Variants in BMPR1B observed in about 807,000 individuals in gnomAD.
BMPR1B encodes the protein bone morphogenetic protein receptor type-1B.
Under a neutral mutation model 59.1 loss-of-function variants are expected in BMPR1B, and 12 were observed. The observed-to-expected ratio is 0.20, with a 90% CI of 0.13 to 0.33. BMPR1B has a LOEUF of 0.33. BMPR1B is among the 10% of genes least tolerant of loss of function. BMPR1B has a pLI of 1.00. For missense variants in BMPR1B, 550 were observed against 610.9 expected (o/e 0.90, Z 1.05); for synonymous variants, 237 against 207.3 (o/e 1.14, Z -1.23).
chr4:95,147,828 T>C (rs1176937397), intron 10 of BMPR1B, among the ~76,000 whole-genome samples: 1 of 152,172 alleles, frequency 6.6e-6, no homozygotes, highest in Admixed American at 6.5e-5. Flanking sequence ...TCTCATTTAA[T>C]CATCAGCCTA....
At chr4:94,852,960 T>G (rs1214886411) in intron 1 of BMPR1B, among the ~76,000 whole-genome samples, 2 of 152,122 alleles carry the variant, frequency 1.3e-5, no homozygotes, top group Admixed American at 1.3e-4. Context: ...GGTTTAAAAT[T>G]GAAAGTCTTT....
chr4:94,866,114 T>A (rs1486284022), intron 1 of BMPR1B, among the ~76,000 whole-genome samples: 1 of 152,230 alleles, frequency 6.6e-6, no homozygotes, highest in African/African-American at 2.4e-5. Flanking sequence ...AGGTGCTGAT[T>A]GTTGCTGAGT....
chr4:95,012,493 A>G (rs995535499), intron 3 of BMPR1B, among the ~76,000 whole-genome samples: 1 of 152,194 alleles, frequency 6.6e-6, no homozygotes, highest in Non-Finnish European at 1.5e-5. Flanking sequence ...TTAAAGAGAA[A>G]TTGATTCTTG....
intron 3 of BMPR1B, among the ~76,000 whole-genome samples, chr4:95,060,190 T>A (rs546139021): frequency 6.6e-6 from 1 of 152,266 alleles, no homozygotes; most frequent in South Asian, 2.1e-4. Context: ...ATTTGGGAGT[T>A]GAGCTGAGAA....
intron 2 of BMPR1B, among the ~76,000 whole-genome samples, chr4:94,892,566 C>T (rs1177423631): frequency 1.3e-5 from 2 of 151,952 alleles, no homozygotes; most frequent in Admixed American, 1.3e-4. Flanking sequence ...AATATTTAGT[C>T]ATGTTTAATC....
chr4:95,049,291 T>A lies in BMPR1B; in HGVS notation c.-18+53157T>A, dbSNP rs1394128681. On this transcript the variant is annotated intron_variant, in intron 3 of 12. Coordinates refer to ENST00000515059, the MANE Select transcript of BMPR1B (RefSeq NM_001203.3). ...ACCATACCCAGCTAATTAAAAAAAA[T>A]TATTTTAGAGACAGGGTCTTGCTAT... 3.3e-5 allele frequency among the ~76,000 whole-genome samples: 5 copies of A among 152,024 alleles called. No homozygotes were observed. In the East Asian group the frequency reaches 7.8e-4, roughly 24 times the overall value.
At chr4:95,082,415 G>C (rs1729230326) in intron 3 of BMPR1B, among the ~76,000 whole-genome samples, 1 of 151,836 alleles carries the variant, frequency 6.6e-6, no homozygotes, top group African/African-American at 2.4e-5. Flanking sequence ...TTTGCGCTCA[G>C]GCAAATAACC....
At chr4:95,105,385 G>A (rs1009807522) in intron 4 of BMPR1B, among the ~76,000 whole-genome samples, 16 of 152,006 alleles carry the variant, frequency 1.1e-4, no homozygotes, top group African/African-American at 3.4e-4. Context: ...AAATAGAAAG[G>A]TGGACTGCTA....
intron 10 of BMPR1B, among the ~76,000 whole-genome samples, chr4:95,145,061 A>G (rs907252855): frequency 6.6e-6 from 1 of 152,224 alleles, no homozygotes; most frequent in African/African-American, 2.4e-5. Context: ...ACAAAAGTAT[A>G]AAAATGAGAC....
At chr4:95,072,782 AAC>A (rs1728409291) in intron 3 of BMPR1B, among the ~76,000 whole-genome samples, 1 of 152,202 alleles carries the variant, frequency 6.6e-6, no homozygotes, top group South Asian at 2.1e-4. Context: ...TAAAGTAATA[AAC>A]ACAGTGAAGA....
rs199574448 is a variant in BMPR1B at position 94,962,072 on chromosome 4, T to TTTCCTTCCTTCCTTCCTTCC, written c.-112-33936_-112-33917dup. ...TTCTTTCTTTCTTTTCTTTCTTTTC[T>TTTCCTTCCTTCCTTCCTTCC]TTCCTTCCTTCCTTCCTTCCTTCCT... On this transcript the variant is annotated intron_variant, in intron 2 of 12. Coordinates refer to ENST00000515059, the MANE Select transcript of BMPR1B (RefSeq NM_001203.3). 3.7e-3 allele frequency among the ~76,000 whole-genome samples: 437 copies of TTTCCTTCCTTCCTTCCTTCC among 117,968 alleles called. 3 individuals are homozygous for TTTCCTTCCTTCCTTCCTTCC. Among genetic ancestry groups the TTTCCTTCCTTCCTTCCTTCC allele is most frequent in the African/African-American group, 0.012 (326 of 28,308 alleles). 77.4% of individuals were successfully genotyped at this position (117,968 alleles called of 152,430 possible).
intron 2 of BMPR1B, among the ~76,000 whole-genome samples, chr4:94,973,120 G>T (rs1416618498): frequency 1.3e-5 from 2 of 152,182 alleles, no homozygotes; most frequent in Admixed American, 1.3e-4. Context: ...CAGCATCTAG[G>T]TGGGGTTGCC....
intron 2 of BMPR1B, among the ~76,000 whole-genome samples, chr4:94,891,036 T>C (rs1178500462): frequency 6.6e-6 from 1 of 152,128 alleles, no homozygotes; most frequent in Non-Finnish European, 1.5e-5. Context: ...AAACAGTTTT[T>C]TAACCTTTTC....
At chr4:95,030,806 C>T (rs1381667428) in intron 3 of BMPR1B, among the ~76,000 whole-genome samples, 5 of 152,118 alleles carry the variant, frequency 3.3e-5, no homozygotes, top group Non-Finnish European at 7.3e-5. Flanking sequence ...AAGAATCCAA[C>T]TTAAAAGGGA....
intron 1 of BMPR1B, among the ~76,000 whole-genome samples, chr4:94,802,016 T>G (rs534378418): frequency 2.0e-4 from 31 of 152,334 alleles, no homozygotes; most frequent in African/African-American, 7.5e-4. Context: ...TATAAATGAG[T>G]TGAATGTATA....
chr4:95,021,365 A>AT (rs1472729472), intron 3 of BMPR1B, among the ~76,000 whole-genome samples: 1 of 152,230 alleles, frequency 6.6e-6, no homozygotes, highest in Non-Finnish European at 1.5e-5. Flanking sequence ...TGGAGTAGCT[A>AT]TAAGTTAGAG....
At chr4:95,149,846 A>C (rs916903716) in intron 11 of BMPR1B, among the ~76,000 whole-genome samples, 1 of 152,214 alleles carries the variant, frequency 6.6e-6, no homozygotes, top group African/African-American at 2.4e-5. Flanking sequence ...ACAGGTTATA[A>C]ACTTTTCTTT....
intron 3 of BMPR1B, among the ~76,000 whole-genome samples, chr4:95,024,280 A>G (rs1724200129): frequency 6.6e-6 from 1 of 152,196 alleles, no homozygotes; most frequent in Non-Finnish European, 1.5e-5. Flanking sequence ...TTTGATGATG[A>G]GAAATTATTG....
intron 2 of BMPR1B, among the ~76,000 whole-genome samples, chr4:94,932,017 A>G (rs1729111907): frequency 6.6e-6 from 1 of 152,146 alleles, no homozygotes. Context: ...CACAATACTA[A>G]GGACTTTCAT....
Sources: gnomAD v4.1 joint callset for allele counts (sites outside exome capture counted in the v4.1 genomes callset) on GRCh38, gnomAD v4.1.1 for gene constraint, MANE v1.5 for transcripts, NCBI Gene and HGNC (gene_info 2026-07-23, HGNC 2026-07-21) for gene names.